The following METAP1D variants were observed in gnomAD, a reference collection of about 807,000 sequenced individuals.
METAP1D encodes methionyl aminopeptidase type 1D, mitochondrial.
A neutral mutation model predicts 40.5 loss-of-function variants in METAP1D; 31 were observed. The ratio of observed to expected loss-of-function variants is 0.77; its 90% CI spans 0.58 to 1.03. The LOEUF is 1.03. Among genes scored for constraint, METAP1D ranks in the 50% least tolerant of loss-of-function variants. The pLI, the probability that METAP1D is intolerant of heterozygous loss-of-function variation, is 0.00. For missense variants in METAP1D, 411 were observed against 420.7 expected (o/e 0.98, Z 0.20); for synonymous variants, 151 against 146.4 (o/e 1.03, Z -0.22).
chr2:172,077,615 G>T (rs1222954843), intron 6 of METAP1D, among the ~76,000 whole-genome samples, 182 bp from the exon 7 acceptor site: 1 of 152,148 alleles, frequency 6.6e-6, no homozygotes, highest in Non-Finnish European at 1.5e-5. Flanking sequence ...GACAGTGGTT[G>T]CAGGCAACAG....
At chr2:172,022,798 G>A (rs957014573) in intron 1 of METAP1D, among the ~76,000 whole-genome samples, 1 of 152,058 alleles carries the variant, frequency 6.6e-6, no homozygotes, top group Non-Finnish European at 1.5e-5. Flanking sequence ...TTTTCTATAT[G>A]AATTGTTTTT....
chr2:172,045,815 G>GTATATATATA (rs1481007010), intron 1 of METAP1D, among the ~76,000 whole-genome samples: 15 of 24,262 alleles, frequency 6.2e-4, no homozygotes, highest in East Asian at 2.0e-3. Context: ...GTGTGTGTGT[G>GTATATATATA]TGTGTATATA....
chr2:172,038,307 C>T (rs1487773511), intron 1 of METAP1D, among the ~76,000 whole-genome samples: 1 of 152,098 alleles, frequency 6.6e-6, no homozygotes, highest in African/African-American at 2.4e-5. Context: ...TAGCTGAGAA[C>T]TTAGCCACAT....
chr2:172,052,855 C>G (rs1207624647), intron 1 of METAP1D, among the ~76,000 whole-genome samples: 1 of 152,182 alleles, frequency 6.6e-6, no homozygotes, highest in Non-Finnish European at 1.5e-5. Flanking sequence ...TTCAAGGGCT[C>G]TTGTCCTTTA....
At chr2:172,070,800 G>C (rs1690401827) in intron 5 of METAP1D, 107 bp from the exon 6 acceptor site, 1 of 841,292 alleles carries the variant, frequency 1.2e-6, no homozygotes, top group African/African-American at 1.8e-5. Flanking sequence ...AATAATTCTG[G>C]AAGGGTAAAA....
chr2:172,078,503 C>T (rs1690605421), intron 7 of METAP1D, among the ~76,000 whole-genome samples: 1 of 152,148 alleles, frequency 6.6e-6, no homozygotes, highest in Non-Finnish European at 1.5e-5. Context: ...CAGTGGAGCA[C>T]CCTCAAGGCA....
intron 3 of METAP1D, 96 bp from the exon 4 acceptor site, chr2:172,065,508 C>T (rs1276400620): frequency 2.6e-6 from 3 of 1,176,262 alleles, no homozygotes; most frequent in South Asian, 1.5e-5. Flanking sequence ...TAAATTTATA[C>T]AGTCTCACAT....
intron 1 of METAP1D, among the ~76,000 whole-genome samples, chr2:172,012,823 G>A (rs1261873339): frequency 6.6e-6 from 1 of 152,100 alleles, no homozygotes; most frequent in African/African-American, 2.4e-5. Context: ...TCCTGACCTT[G>A]ATCTCAAATT....
At chr2:172,036,057 C>A (rs1213690100) in intron 1 of METAP1D, among the ~76,000 whole-genome samples, 1 of 152,116 alleles carries the variant, frequency 6.6e-6, no homozygotes. Context: ...ATGGTTCATG[C>A]CTGTAATGCC....
chr2:172,011,705 AT>A (rs1688726877), intron 1 of METAP1D, among the ~76,000 whole-genome samples: 1 of 152,168 alleles, frequency 6.6e-6, no homozygotes, highest in African/African-American at 2.4e-5. Flanking sequence ...GTTCATCCCT[AT>A]TGTGGCATGT....
At chr2:172,040,441 G>A (rs1553493233) in intron 1 of METAP1D, among the ~76,000 whole-genome samples, 1 of 152,134 alleles carries the variant, frequency 6.6e-6, no homozygotes, top group Non-Finnish European at 1.5e-5. Context: ...GGTGGAGTCG[G>A]AAGTAGTATT....
intron 1 of METAP1D, among the ~76,000 whole-genome samples, chr2:172,045,869 G>GAATTCTTT (rs1205210399): frequency 1.1e-5 from 1 of 89,446 alleles, no homozygotes; most frequent in African/African-American, 4.8e-5. Context: ...ATATATGACG[G>GAATTCTTT]AATTCTTTAG....
At chr2:172,061,418 A>G (rs770254657) in intron 1 of METAP1D, 80 bp from the exon 2 acceptor site, 187 of 1,261,952 alleles carry the variant, frequency 1.5e-4, no homozygotes, top group Middle Eastern at 7.1e-4. Flanking sequence ...ATGATTTAAT[A>G]GACAACACCA....
At chr2:172,011,519 C>T (rs1229724134) in intron 1 of METAP1D, among the ~76,000 whole-genome samples, 5 of 151,498 alleles carry the variant, frequency 3.3e-5, no homozygotes, top group African/African-American at 9.7e-5. Context: ...CTCCTGACCT[C>T]GTGATCCTCC....
chr2:172,063,895 A>C (rs764870968), intron 3 of METAP1D, 35 bp downstream of exon 3: 5 of 1,540,348 alleles, frequency 3.2e-6, no homozygotes, highest in Non-Finnish European at 4.4e-6. Flanking sequence ...CGACTTACAT[A>C]AGGGGCAACA....
chr2:172,000,125 T>C, intron 1 of METAP1D, 116 bp downstream of exon 1: 1 of 932,972 alleles, frequency 1.1e-6, no homozygotes, highest in Non-Finnish European at 1.4e-6. Flanking sequence ...CGACTGTACT[T>C]TCAGTGTTTA....
intron 8 of METAP1D, among the ~76,000 whole-genome samples, chr2:172,079,565 GT>G (rs1470189461): frequency 1.3e-5 from 2 of 152,158 alleles, no homozygotes; most frequent in African/African-American, 4.8e-5. Flanking sequence ...ACACGATTAT[GT>G]CCCTTGCTCC....
chr2:172,059,583 T>G (rs1422229729), intron 1 of METAP1D, among the ~76,000 whole-genome samples: 3 of 152,210 alleles, frequency 2.0e-5, no homozygotes, highest in Non-Finnish European at 4.4e-5. Context: ...CACCAAGATT[T>G]GAATTTCATG....
In METAP1D at chr2:172,030,072, AT is replaced by A. The variant is rs1166117446; in HGVS notation, c.40+30067del. On this transcript the variant is annotated intron_variant, in intron 1 of 9. Transcript: ENST00000315796. ...CACCCGGCCTTTAAGCCTACATTTT[AT>A]TTTATTTTATTTATTTATTTATTTA... Among the ~76,000 whole-genome samples the A allele has an allele frequency of 2.1e-5, 3 of 141,392 alleles. No homozygotes were observed. In the East Asian group the frequency reaches 9.0e-4, roughly 42 times the overall value. The allele number at this position is 141,392 out of a possible 152,430, so 92.8% of individuals were successfully genotyped here.
Sources: gnomAD v4.1 joint callset for allele counts (sites outside exome capture counted in the v4.1 genomes callset) on GRCh38, gnomAD v4.1.1 for gene constraint, MANE v1.5 for transcripts, NCBI Gene and HGNC (gene_info 2026-07-23, HGNC 2026-07-21) for gene names.